Variants in MAP3K19 observed in about 807,000 individuals in gnomAD.
MAP3K19 encodes the protein mitogen-activated protein kinase kinase kinase 19.
A neutral mutation model predicts 114.4 loss-of-function variants in MAP3K19; 91 were observed. The observed-to-expected ratio is 0.80, with a 90% CI of 0.67 to 0.95. MAP3K19 has a LOEUF of 0.95. Ranked by LOEUF, MAP3K19 falls within the 40% of genes least tolerant of loss-of-function variation. MAP3K19 has a pLI of 0.00. For synonymous variants in MAP3K19, 518 were observed against 530.5 expected (o/e 0.98, Z 0.32); for missense variants, 1,471 against 1,573.2 (o/e 0.94, Z 1.10).
intron 8 of MAP3K19, among the ~76,000 whole-genome samples, chr2:134,993,675 T>C (rs1440068422): frequency 6.6e-6 from 1 of 152,248 alleles, no homozygotes; most frequent in African/African-American, 2.4e-5. Flanking sequence ...AGTATTCTTA[T>C]AAATATTTGA....
Position 134,987,252 on chromosome 2 carries a change from T to C in MAP3K19, c.1620A>G (p.Ser540=). 5.0e-6 allele frequency: 8 copies of C among 1,614,180 alleles called. No individual in the cohort carries two copies. Among genetic ancestry groups the C allele is most frequent in the Non-Finnish European group, 6.8e-6 (8 of 1,180,034 alleles). Residue 540 remains serine (S), a synonymous_variant, in exon 10 of 13, where the codon TCA becomes TCG. Coordinates refer to ENST00000392915, the MANE Select transcript of MAP3K19 (RefSeq NM_025052.5). The stretch of plus-strand genomic sequence containing the variant: ...GTGTCTTCTTACTTGTCTTGGTCTT[T>C]GAATCCAACTTACTCCTATGGGAAT... ...KMNSHRSKLD[S]KTKTSKKTPQ...
chr2:135,001,804 C>T (rs1251085344), intron 6 of MAP3K19, among the ~76,000 whole-genome samples: 1 of 152,162 alleles, frequency 6.6e-6, no homozygotes, highest in African/African-American at 2.4e-5. Context: ...TGTTTTCAAA[C>T]AAATGTAATG....
chr2:135,020,059 C>G (rs1234119627), intron 5 of MAP3K19, among the ~76,000 whole-genome samples: 1 of 151,996 alleles, frequency 6.6e-6, no homozygotes, highest in African/African-American at 2.4e-5. Context: ...CTCTTATTGC[C>G]CAGGCTGGAG....
chr2:135,031,416 A>C (rs977570438), intron 2 of MAP3K19, among the ~76,000 whole-genome samples: 3 of 152,196 alleles, frequency 2.0e-5, no homozygotes, highest in African/African-American at 7.2e-5. Context: ...AGTAATATTC[A>C]AAGCTTTGGA....
intron 2 of MAP3K19, among the ~76,000 whole-genome samples, chr2:135,033,747 G>A (rs1474652584): frequency 1.0e-5 from 1 of 96,996 alleles, no homozygotes; most frequent in Non-Finnish European, 1.9e-5. Context: ...CGGGCAGAGG[G>A]GCTCCTCACT....
chr2:134,980,592 C>A, intron 12 of MAP3K19: 1 of 514,194 alleles, frequency 1.9e-6, no homozygotes, highest in Middle Eastern at 3.0e-4. Flanking sequence ...CTTGATAAGA[C>A]ATTTAATTGA....
Position 135,005,647 on chromosome 2 carries a change from T to C in MAP3K19, c.139-116A>G, listed in dbSNP as rs944324166. 7 of 736,218 alleles carry C rather than the reference T, an allele frequency of 9.5e-6. No individual in the cohort carries two copies. The Admixed American group carries it at 1.1e-4, about 12-fold the overall frequency. The allele number at this position is 736,218 out of a possible 1,614,324, so 45.6% of individuals were successfully genotyped here. ...ATTTACACCATGGATTCCTTTTAAA[T>C]TGGATAAAGTATTTAGGACTAAAAT... On this transcript the variant is annotated intron_variant, in intron 5 of 12. Transcript: ENST00000392915.
Position 134,976,912 on chromosome 2 carries a change from T to C in MAP3K19, c.3920+3909A>G, listed in dbSNP as rs886617916. On this transcript the variant is annotated intron_variant, in intron 12 of 12. Transcript: ENST00000392915. ...AAACAAAAACATCAGCTGGCCACAG[T>C]GGCAGGCGCCTGTAGTCCCATCTAC... Among the ~76,000 whole-genome samples, 3 of 151,686 alleles carry C rather than the reference T, an allele frequency of 2.0e-5. No homozygotes were observed. In the East Asian group the frequency reaches 5.8e-4, roughly 29 times the overall value.
chr2:135,020,120 C>T (rs981939558), intron 5 of MAP3K19, among the ~76,000 whole-genome samples: 1 of 152,068 alleles, frequency 6.6e-6, no homozygotes, highest in African/African-American at 2.4e-5. Context: ...CTGGTTCAAG[C>T]GATCCTCCTG....
At chr2:134,983,294 T>A (rs757671310) in intron 11 of MAP3K19, 2 of 541,508 alleles carry the variant, frequency 3.7e-6, no homozygotes, top group Middle Eastern at 6.2e-4. Context: ...CATATTCAGC[T>A]GTTGAAGGAA....
chr2:135,020,464 C>T (rs1045732410), intron 5 of MAP3K19, among the ~76,000 whole-genome samples: 4 of 152,176 alleles, frequency 2.6e-5, no homozygotes, highest in African/African-American at 4.8e-5. Context: ...CGACTACAGG[C>T]GTGTGCCATC....
intron 4 of MAP3K19, chr2:135,023,554 T>G (rs748392171): frequency 1.9e-6 from 1 of 532,938 alleles, no homozygotes; most frequent in Non-Finnish European, 3.8e-6. Flanking sequence ...TTCCATCTCC[T>G]GCACTTTCCA....
chr2:135,023,408 A>C lies in MAP3K19; in HGVS notation c.22+1218T>G, dbSNP rs539223911. On this transcript the variant is annotated intron_variant, in intron 4 of 12. Coordinates refer to ENST00000392915, the MANE Select transcript of MAP3K19 (RefSeq NM_025052.5). Reference sequence around the variant, plus strand: ...CATCAGTCCCTCAATGACCTCACCCACCATCATGTCCTCACAATCTCCTCT... The same window carrying C: ...CATCAGTCCCTCAATGACCTCACCCCCCATCATGTCCTCACAATCTCCTCT... The C allele has an allele frequency of 8.0e-4, 424 of 531,180 alleles. 2 individuals carry two copies. The highest frequency in any genetic ancestry group is 7.3e-3 in the African/African-American group (378 of 51,894). The allele number at this position is 531,180 out of a possible 1,614,324, so 32.9% of individuals were successfully genotyped here.
At chr2:134,982,738 A>G (rs1684795799) in intron 11 of MAP3K19, among the ~76,000 whole-genome samples, 2 of 152,126 alleles carry the variant, frequency 1.3e-5, no homozygotes, top group African/African-American at 4.8e-5. Flanking sequence ...TCAGCTCCCA[A>G]GCTCTCTGGA....
Position 134,999,037 on chromosome 2 carries a change from C to A in MAP3K19, c.315-40G>T, listed in dbSNP as rs753836007. The A allele has an allele frequency of 5.4e-5, 86 of 1,587,318 alleles. No individual in the cohort carries two copies. Among genetic ancestry groups the A allele is most frequent in the Non-Finnish European group, 7.3e-5 (85 of 1,168,556 alleles). On this transcript the variant is annotated intron_variant, in intron 7 of 12. Coordinates refer to ENST00000392915, the MANE Select transcript of MAP3K19 (RefSeq NM_025052.5). The surrounding 1 kb of genome is among the most constrained non-coding windows in gnomAD (Gnocchi z 4.1). ...AAATGTTTGATTTAAAACTCAGTTG[C>A]CACATCTTCTGGATCTCCAGTCCTC...
chr2:135,019,862 G>C (rs146775325), intron 5 of MAP3K19, among the ~76,000 whole-genome samples: 1 of 152,020 alleles, frequency 6.6e-6, no homozygotes, highest in African/African-American at 2.4e-5. Flanking sequence ...TTTTCTATGG[G>C]CTGCAATGCT....
chr2:135,035,557 G>A (rs946620868), intron 2 of MAP3K19, among the ~76,000 whole-genome samples: 1 of 152,214 alleles, frequency 6.6e-6, no homozygotes, highest in Non-Finnish European at 1.5e-5. Flanking sequence ...TTTTTCTGGG[G>A]ATGAAGTTCT....
At chr2:134,967,857 C>CTTTTTTTT (rs573777137) in intron 12 of MAP3K19, among the ~76,000 whole-genome samples, 3 of 143,284 alleles carry the variant, frequency 2.1e-5, no homozygotes, top group Non-Finnish European at 3.1e-5. Flanking sequence ...TTCTTTCTTT[C>CTTTTTTTT]TTTTTTTTTT....
Position 134,987,544 on chromosome 2 carries a change from A to T in MAP3K19, c.1328T>A (p.Leu443Ter). The change falls in exon 10 of 13, where the codon TTA becomes TAA. Residue 443 changes from leucine to a stop codon, truncating the protein, a stop_gained. Coordinates refer to ENST00000392915, the MANE Select transcript of MAP3K19 (RefSeq NM_025052.5). LOFTEE classifies it high-confidence loss of function. ...GGGGTCATCAAAGACTACACTGGAT[A>T]AGCTTTTAAGTACAGTACACTCTTC... Reference protein sequence around the residue: ...ILEECTVLKSLSSVVFDDPID... With the variant: ...ILEECTVLKS 1 of 1,614,198 alleles carries T rather than the reference A, an allele frequency of 6.2e-7. No homozygotes were observed. The highest frequency in any genetic ancestry group is 8.5e-7 in the Non-Finnish European group (1 of 1,180,040).
Sources: gnomAD v4.1 joint callset for allele counts (sites outside exome capture counted in the v4.1 genomes callset) on GRCh38, gnomAD v4.1.1 for gene constraint, Gnocchi (gnomAD v3.1) non-coding constraint, MANE v1.5 for transcripts, NCBI Gene and HGNC (gene_info 2026-07-23, HGNC 2026-07-21) for gene names.